The following SMAP2 variants were observed in gnomAD, a reference collection of about 807,000 sequenced individuals.
SMAP2 encodes small ArfGAP2.
Under a neutral mutation model 56.4 loss-of-function variants are expected in SMAP2, and 25 were observed. That is an observed-to-expected ratio of 0.44 (90% CI 0.32 to 0.62). The LOEUF (loss-of-function observed/expected upper bound fraction) is 0.62. SMAP2 is among the 20% of genes least tolerant of loss of function. The pLI is 0.04. For missense variants in SMAP2, 388 were observed against 545.6 expected (o/e 0.71, Z 2.88); for synonymous variants, 157 against 181.7 (o/e 0.86, Z 1.09).
chr1:40,398,731 T>C (rs767010262), intron 1 of SMAP2, among the ~76,000 whole-genome samples: 2 of 152,034 alleles, frequency 1.3e-5, no homozygotes, highest in Non-Finnish European at 2.9e-5. Context: ...CTCAAACTCC[T>C]GGGCTCAAGT....
chr1:40,360,987 G>T (rs1490820332), intron 1 of SMAP2, among the ~76,000 whole-genome samples: 1 of 152,182 alleles, frequency 6.6e-6, no homozygotes, highest in Non-Finnish European at 1.5e-5. Flanking sequence ...GGACATGGGG[G>T]GCACATGACT....
chr1:40,361,986 G>T (rs1028972023), intron 1 of SMAP2, among the ~76,000 whole-genome samples: 8 of 152,222 alleles, frequency 5.3e-5, no homozygotes, highest in African/African-American at 1.7e-4. Flanking sequence ...TTTGTAAAGT[G>T]TGGGAAGGGT....
intron 1 of SMAP2, among the ~76,000 whole-genome samples, chr1:40,360,492 A>G (rs1644455399): frequency 6.6e-6 from 1 of 151,304 alleles, no homozygotes; most frequent in East Asian, 1.9e-4. Flanking sequence ...TAGTAGACTC[A>G]TGGTTTTGCC....
chr1:40,393,541 C>CA, intron 1 of SMAP2: 1 of 811,064 alleles, frequency 1.2e-6, no homozygotes, highest in Non-Finnish European at 1.7e-6. Context: ...GTTCTTCTAA[C>CA]TTTTTTTTTT....
At chr1:40,366,263 G>C (rs893836527) in intron 2 of SMAP2, among the ~76,000 whole-genome samples, 1 of 149,788 alleles carries the variant, frequency 6.7e-6, no homozygotes, top group Admixed American at 6.6e-5. Flanking sequence ...ATGGAACCAA[G>C]TTGGAAAACA....
At chr1:40,349,054 G>A (rs1644400017) in intron 1 of SMAP2, among the ~76,000 whole-genome samples, 2 of 152,176 alleles carry the variant, frequency 1.3e-5, no homozygotes, top group African/African-American at 4.8e-5. Flanking sequence ...ACGGGCGTAA[G>A]CCACCATGCC....
chr1:40,360,935 T>G (rs537223719), intron 1 of SMAP2, among the ~76,000 whole-genome samples: 1 of 152,326 alleles, frequency 6.6e-6, no homozygotes, highest in South Asian at 2.1e-4. Flanking sequence ...AGGACTGCAA[T>G]TCTGGGGACA....
chr1:40,374,848 C>T lies in SMAP2; in HGVS notation c.103+625C>T, dbSNP rs540217487. On this transcript the variant is annotated intron_variant, in intron 1 of 9. Transcript: ENST00000372718. The surrounding 1 kb of genome is among the most constrained non-coding windows in gnomAD (Gnocchi z 5.9). ...AACTGCCTTATGCAGTGACACAGTGCGGATTTCTAGGCAGTGTAGCCCTGG... is the reference window on the plus strand; with the variant it reads ...AACTGCCTTATGCAGTGACACAGTGTGGATTTCTAGGCAGTGTAGCCCTGG... 1.6e-4 allele frequency: 245 copies of T among 1,534,300 alleles called. No homozygotes were observed. Among genetic ancestry groups the T allele is most frequent in the Non-Finnish European group, 2.0e-4 (231 of 1,138,218 alleles).
At chr1:40,372,626 G>T (rs1331687519), upstream of SMAP2, among the ~76,000 whole-genome samples, 1 of 152,196 alleles carries the variant, frequency 6.6e-6, no homozygotes, top group Non-Finnish European at 1.5e-5. Context: ...TAAAGTAATA[G>T]AAATGTTTAG....
At chr1:40,366,098 G>A (rs949633785) in intron 2 of SMAP2, among the ~76,000 whole-genome samples, 1 of 151,288 alleles carries the variant, frequency 6.6e-6, no homozygotes, top group African/African-American at 2.4e-5. Context: ...AAGAAAGGGT[G>A]TCAGCAATGG....
At chr1:40,348,627 AGATGGC>A (rs1557819542) in intron 1 of SMAP2, among the ~76,000 whole-genome samples, 1 of 152,008 alleles carries the variant, frequency 6.6e-6, no homozygotes, top group Non-Finnish European at 1.5e-5. Flanking sequence ...CAGTGAGCAG[AGATGGC>A]GCCGCTTCAC....
chr1:40,353,232 G>A (rs1223565279), intron 1 of SMAP2, among the ~76,000 whole-genome samples: 1 of 152,208 alleles, frequency 6.6e-6, no homozygotes, highest in Non-Finnish European at 1.5e-5. Flanking sequence ...TAAGATTGGG[G>A]ACATTCCTTT....
intron 2 of SMAP2, chr1:40,364,820 T>A (rs2124182111): frequency 6.3e-6 from 1 of 157,564 alleles, no homozygotes; most frequent in African/African-American, 2.4e-5. Context: ...TCAATAAGAA[T>A]AATAATCGGT....
intron 9 of SMAP2, 112 bp downstream of exon 9, chr1:40,417,208 A>G (rs1557469881): frequency 1.4e-6 from 1 of 731,504 alleles, no homozygotes; most frequent in Non-Finnish European, 2.2e-6. Flanking sequence ...GAGATAATGT[A>G]AGAGACATTG....
At chr1:40,370,736 T>G (rs1173776307), upstream of SMAP2, among the ~76,000 whole-genome samples, 1 of 120,118 alleles carries the variant, frequency 8.3e-6, no homozygotes. Context: ...GGGATAGCAT[T>G]GGGAGATATA....
intron 9 of SMAP2, among the ~76,000 whole-genome samples, chr1:40,421,589 G>A (rs1195081118): frequency 2.0e-5 from 3 of 152,162 alleles, no homozygotes; most frequent in Non-Finnish European, 2.9e-5. Flanking sequence ...AAGATGAGGC[G>A]GGAGCACTGG....
At chr1:40,360,004 C>CTTTTTTTTTTTTTTTTTTTTTTTTTTTT (rs775408458) in intron 1 of SMAP2, among the ~76,000 whole-genome samples, 2 of 102,484 alleles carry the variant, frequency 2.0e-5, no homozygotes, top group African/African-American at 3.9e-5. Flanking sequence ...CTTCTTCTTT[C>CTTTTTTTTTTTTTTTTTTTTTTTTTTTT]TTTTTTTTTT....
chr1:40,345,818 GCTGGAGTTT>G (rs951516738), intron 1 of SMAP2, among the ~76,000 whole-genome samples: 1 of 143,574 alleles, frequency 7.0e-6, no homozygotes, highest in African/African-American at 2.5e-5. Flanking sequence ...AAGGTATTAT[GCTGGAGTTT>G]CTGGAGTTTC....
At chr1:40,376,469 G>C (rs1039981073) in intron 1 of SMAP2, among the ~76,000 whole-genome samples, 1 of 152,082 alleles carries the variant, frequency 6.6e-6, no homozygotes, top group African/African-American at 2.4e-5. Flanking sequence ...AGATGACAAT[G>C]GGTCAGTCAT....
Sources: gnomAD v4.1 joint callset for allele counts (sites outside exome capture counted in the v4.1 genomes callset) on GRCh38, gnomAD v4.1.1 for gene constraint, Gnocchi (gnomAD v3.1) non-coding constraint, MANE v1.5 for transcripts, NCBI Gene and HGNC (gene_info 2026-07-23, HGNC 2026-07-21) for gene names.